The following ADAM23 variants were observed in gnomAD, a reference collection of about 807,000 sequenced individuals.
The protein encoded by ADAM23 is disintegrin and metalloproteinase domain-containing protein 23.
A neutral mutation model predicts 120.1 loss-of-function variants in ADAM23; 33 were observed. The observed-to-expected ratio is 0.27, with a 90% CI of 0.21 to 0.37. The LOEUF (loss-of-function observed/expected upper bound fraction) is 0.37, where lower values mean the gene tolerates loss of function less well. Ranked by LOEUF, ADAM23 falls within the 10% of genes least tolerant of loss-of-function variation. The pLI, the probability that ADAM23 is intolerant of heterozygous loss-of-function variation, is 1.00. For missense variants in ADAM23, 862 were observed against 1,058.2 expected, an observed-to-expected ratio of 0.81 and a Z score of 2.57; for synonymous variants, 367 against 375.2, an observed-to-expected ratio of 0.98 and a Z score of 0.25.
intron 4 of ADAM23, among the ~76,000 whole-genome samples, chr2:206,539,787 T>C (rs1200675610): frequency 6.6e-6 from 1 of 152,210 alleles, no homozygotes; most frequent in African/African-American, 2.4e-5. Flanking sequence ...TTTGCAGTGG[T>C]CTGAAGTGTT....
intron 3 of ADAM23, among the ~76,000 whole-genome samples, chr2:206,496,361 T>C (rs949966815): frequency 1.3e-5 from 2 of 151,790 alleles, no homozygotes; most frequent in Non-Finnish European, 2.9e-5. Flanking sequence ...TCAAAACCGC[T>C]CAACTACATG....
intron 3 of ADAM23, among the ~76,000 whole-genome samples, chr2:206,499,386 C>G (rs934680039): frequency 4.0e-5 from 6 of 148,966 alleles, no homozygotes; most frequent in African/African-American, 9.9e-5. Context: ...AGCAAACTAT[C>G]GCAAGGACAA....
chr2:206,451,223 T>C (rs1695187484), intron 2 of ADAM23, among the ~76,000 whole-genome samples: 1 of 152,060 alleles, frequency 6.6e-6, no homozygotes, highest in South Asian at 2.1e-4. Flanking sequence ...GGGTGGTGAG[T>C]GCAAGAAGGG....
intron 24 of ADAM23, among the ~76,000 whole-genome samples, chr2:206,598,703 C>G (rs1319924239): frequency 6.6e-6 from 1 of 152,104 alleles, no homozygotes; most frequent in Non-Finnish European, 1.5e-5. Flanking sequence ...AGTTCGAGAC[C>G]AGCCTGGCCA....
At chr2:206,462,554 G>T (rs1695445569) in intron 2 of ADAM23, among the ~76,000 whole-genome samples, 1 of 152,114 alleles carries the variant, frequency 6.6e-6, no homozygotes, top group Admixed American at 6.6e-5. Context: ...ATTTGAAAAG[G>T]ACTTGGAGCA....
chr2:206,498,120 T>G (rs963003713), intron 3 of ADAM23, among the ~76,000 whole-genome samples: 14 of 152,224 alleles, frequency 9.2e-5, no homozygotes, highest in South Asian at 4.1e-4. Context: ...AAGCTACCAA[T>G]GACTTTCTTC....
chr2:206,496,077 T>C (rs1244808711), intron 3 of ADAM23, among the ~76,000 whole-genome samples: 4 of 152,032 alleles, frequency 2.6e-5, no homozygotes, highest in Non-Finnish European at 5.9e-5. Flanking sequence ...CCACTGTCAA[T>C]ATTAGACAGA....
At chr2:206,612,756 C>A (rs1455060399) in intron 25 of ADAM23, among the ~76,000 whole-genome samples, 1 of 152,100 alleles carries the variant, frequency 6.6e-6, no homozygotes, top group African/African-American at 2.4e-5. Flanking sequence ...ACTATTATTT[C>A]CTCTGAAATA....
At chr2:206,606,773 TTCTC>T (rs1458856357) in intron 24 of ADAM23, 2 of 152,230 alleles carry the variant, frequency 1.3e-5, no homozygotes, top group Non-Finnish European at 2.9e-5. Flanking sequence ...GATTTTTTTC[TTCTC>T]TCTCTAATTA....
intron 15 of ADAM23, among the ~76,000 whole-genome samples, chr2:206,568,565 C>CA (rs1451801169): frequency 6.6e-6 from 1 of 152,210 alleles, no homozygotes; most frequent in Admixed American, 6.5e-5. Context: ...CTGGAAGTCT[C>CA]AAACTCACCA....
intron 6 of ADAM23, among the ~76,000 whole-genome samples, chr2:206,545,056 G>A (rs377144199): frequency 6.6e-6 from 1 of 152,174 alleles, no homozygotes; most frequent in Admixed American, 6.5e-5. Flanking sequence ...TTAAGGCACT[G>A]AGAGGTAACA....
intron 3 of ADAM23, among the ~76,000 whole-genome samples, chr2:206,529,235 T>G (rs1697001262): frequency 6.6e-6 from 1 of 152,150 alleles, no homozygotes; most frequent in Non-Finnish European, 1.5e-5. Flanking sequence ...TACTGCATAT[T>G]CATGGTTTCC....
intron 9 of ADAM23, among the ~76,000 whole-genome samples, chr2:206,551,472 A>G (rs970832598): frequency 1.3e-5 from 2 of 152,246 alleles, no homozygotes; most frequent in African/African-American, 2.4e-5. Context: ...AAAAGACTTT[A>G]TATAGATGAG....
Position 206,530,887 on chromosome 2 carries a change from G to C in ADAM23, c.512G>C (p.Gly171Ala). The change falls in exon 4 of 26, where the codon GGT becomes GCT. Residue 171 changes from glycine to alanine, a missense_variant and splice_region_variant. Around this residue, in one of 4 missense-constraint regions of ADAM23, gnomAD observed 617 missense variants for 813.5 expected, o/e 0.76. Coordinates refer to ENST00000264377, the MANE Select transcript of ADAM23 (RefSeq NM_003812.4). ...KFILDLILNN[G>A]LLSSDYVEIH... ...ACTCTATTTTCTTTCCTTTGTAGTGGTTTGTTGTCTTCTGATTATGTGGAG... is the reference window on the plus strand; with the variant it reads ...ACTCTATTTTCTTTCCTTTGTAGTGCTTTGTTGTCTTCTGATTATGTGGAG... 1 of 1,613,426 alleles carries C rather than the reference G, an allele frequency of 6.2e-7. No homozygotes were observed. The highest frequency in any genetic ancestry group is 8.5e-7 in the Non-Finnish European group (1 of 1,179,604).
At chr2:206,467,716 CT>C (rs957081246) in intron 2 of ADAM23, among the ~76,000 whole-genome samples, 19 of 152,344 alleles carry the variant, frequency 1.2e-4, no homozygotes, top group African/African-American at 4.6e-4. Context: ...AGTGGGGACT[CT>C]GTGTGGGGGC....
chr2:206,576,725 T>G (rs1165799489), intron 18 of ADAM23, among the ~76,000 whole-genome samples: 1 of 152,184 alleles, frequency 6.6e-6, no homozygotes, highest in Non-Finnish European at 1.5e-5. Context: ...TTTTCTTAAT[T>G]TTTATATTAG....
intron 2 of ADAM23, among the ~76,000 whole-genome samples, chr2:206,471,974 A>G (rs1029403876): frequency 6.6e-6 from 1 of 152,248 alleles, no homozygotes; most frequent in Non-Finnish European, 1.5e-5. Flanking sequence ...CTTGTAATTC[A>G]GTCTTTCTCC....
At chr2:206,507,648 G>A (rs556083565) in intron 3 of ADAM23, among the ~76,000 whole-genome samples, 5 of 152,268 alleles carry the variant, frequency 3.3e-5, no homozygotes, top group African/African-American at 7.2e-5. Context: ...AGGATTTATT[G>A]TATGGCTTTT....
At chr2:206,612,567 C>T (rs1241619698) in intron 25 of ADAM23, among the ~76,000 whole-genome samples, 3 of 152,132 alleles carry the variant, frequency 2.0e-5, no homozygotes, top group African/African-American at 7.2e-5. Context: ...AAGGAAAATA[C>T]AGTAACTACT....
Sources: gnomAD v4.1 joint callset for allele counts (sites outside exome capture counted in the v4.1 genomes callset) on GRCh38, gnomAD v4.1.1 for gene constraint, gnomAD v4.1.1 regional missense constraint, MANE v1.5 for transcripts, NCBI Gene and HGNC (gene_info 2026-07-23, HGNC 2026-07-21) for gene names.